Variants in ADAM9 observed in about 807,000 individuals in gnomAD.
ADAM9 encodes the protein disintegrin and metalloproteinase domain-containing protein 9.
A neutral mutation model predicts 108.1 loss-of-function variants in ADAM9; 54 were observed. The ratio of observed to expected loss-of-function variants is 0.50; its 90% CI spans 0.40 to 0.63. ADAM9 has a LOEUF of 0.63. ADAM9 is among the 20% of genes least tolerant of loss of function. The pLI, the probability that ADAM9 is intolerant of heterozygous loss-of-function variation, is 0.00. For synonymous variants in ADAM9, 316 were observed against 336.0 expected (o/e 0.94, Z 0.65); for missense variants, 830 against 997.7 (o/e 0.83, Z 2.26).
At chr8:39,042,206 G>A in intron 12 of ADAM9, 89 bp downstream of exon 12, 1 of 1,444,742 alleles carries the variant, frequency 6.9e-7, no homozygotes, top group South Asian at 1.2e-5. Flanking sequence ...TCTGACATAG[G>A]AGCTAAAGTA....
chr8:39,094,860 T>C (rs1447488036), intron 20 of ADAM9, among the ~76,000 whole-genome samples: 1 of 152,162 alleles, frequency 6.6e-6, no homozygotes, highest in Non-Finnish European at 1.5e-5. Flanking sequence ...AAACCAACTC[T>C]TAGTTTTATT....
chr8:39,038,665 A>G (rs2129435928), intron 11 of ADAM9, among the ~76,000 whole-genome samples: 1 of 152,358 alleles, frequency 6.6e-6, no homozygotes, highest in Non-Finnish European at 1.5e-5. Context: ...TGCACCAAGA[A>G]GAATGCCTTG....
In ADAM9 at chr8:39,086,493, A is replaced by G. The variant is rs115606052; in HGVS notation, c.2068+3420A>G. ...TGGAAGTTCCATTTGTTTCTTTTAT[A>G]TATCTTTCATGACTCTACATAAGAT... On this transcript the variant is annotated intron_variant, in intron 18 of 21. Transcript: ENST00000487273. Among the ~76,000 whole-genome samples, 1,248 of 152,150 alleles carry G rather than the reference A, an allele frequency of 8.2e-3. 19 individuals are homozygous for G. The highest frequency in any genetic ancestry group is 0.029 in the African/African-American group (1,189 of 41,488).
At chr8:38,999,098 T>C (rs1172334718) in intron 1 of ADAM9, among the ~76,000 whole-genome samples, 1 of 152,112 alleles carries the variant, frequency 6.6e-6, no homozygotes, top group Non-Finnish European at 1.5e-5. Context: ...TCAACTCTTG[T>C]TTCTCTCGGG....
intron 21 of ADAM9, 99 bp downstream of exon 21, chr8:39,102,029 A>G (rs984711548): frequency 2.0e-6 from 2 of 1,019,132 alleles, no homozygotes; most frequent in Non-Finnish European, 3.1e-6. Flanking sequence ...AGTGAAAGGT[A>G]TTTATTGTCA....
intron 11 of ADAM9, among the ~76,000 whole-genome samples, chr8:39,032,584 C>T (rs1000737400): frequency 6.6e-6 from 1 of 152,238 alleles, no homozygotes; most frequent in Non-Finnish European, 1.5e-5. Context: ...TCACGGCTTC[C>T]CTTGGCTAGG....
At chr8:39,061,751 A>G (rs1451242031) in intron 14 of ADAM9, among the ~76,000 whole-genome samples, 2 of 152,130 alleles carry the variant, frequency 1.3e-5, no homozygotes, top group African/African-American at 2.4e-5. Context: ...ACCCTTTTAT[A>G]ACAATATTAA....
intron 8 of ADAM9, among the ~76,000 whole-genome samples, chr8:39,022,730 T>A (rs924593567): frequency 5.3e-5 from 8 of 152,130 alleles, no homozygotes; most frequent in Non-Finnish European, 1.2e-4. Flanking sequence ...TTTTTTTTTT[T>A]ATGAGATGAG....
intron 1 of ADAM9, among the ~76,000 whole-genome samples, chr8:39,007,499 C>G (rs1836201528): frequency 6.6e-6 from 1 of 152,138 alleles, no homozygotes; most frequent in Non-Finnish European, 1.5e-5. Context: ...GGGTGCTAGA[C>G]TCTAGGATGC....
chr8:39,081,229 G>A (rs1049302902), intron 16 of ADAM9, among the ~76,000 whole-genome samples: 3 of 151,708 alleles, frequency 2.0e-5, no homozygotes, highest in Non-Finnish European at 4.4e-5. Context: ...GATTACAGGC[G>A]TGAGCCACTG....
In ADAM9 at chr8:39,090,112, T is replaced by G; in HGVS notation, c.2134T>G (p.Cys712Gly). Residue 712 changes from cysteine (C) to glycine (G), a missense_variant, in exon 19 of 22, where the codon TGT (cysteine) becomes GGT (glycine). This residue lies in a region of ADAM9 where 238 missense variants were observed against 235.7 expected (regional missense o/e 1.01). Transcript: ENST00000487273. Reference sequence around the variant, plus strand: ...CTTCCTAATTGTTCCCCTTATTGTCTGTGCTATTTTTATCTTCATCAAGAG... The same window carrying G: ...CTTCCTAATTGTTCCCCTTATTGTCGGTGCTATTTTTATCTTCATCAAGAG... The part of the protein sequence containing the change: ...FFFLIVPLIV[C>G]AIFIFIKRDQ... 1 of 1,613,972 alleles carries G rather than the reference T, an allele frequency of 6.2e-7. No homozygotes were observed. The highest frequency in any genetic ancestry group is 8.5e-7 in the Non-Finnish European group (1 of 1,179,882).
In ADAM9 at chr8:38,997,139, G is replaced by A; in HGVS notation, c.76G>A (p.Val26Ile). The A allele has an allele frequency of 2.5e-6, 4 of 1,602,476 alleles. No homozygotes were observed. Among genetic ancestry groups the A allele is most frequent in the Non-Finnish European group, 3.4e-6 (4 of 1,179,390 alleles). ...GCTGTTGCTTGGCCTGGTGGGCCCA[G>A]TCCTCGGTGCGGCGCGGCCAGGTGG... is the stretch of plus-strand genomic sequence containing the variant. ...WLLLLGLVGP[V>I]LGAARPGFQQ... Residue 26 changes from valine (V) to isoleucine (I), a missense_variant, in exon 1 of 22, where the codon GTC becomes ATC. By Grantham distance (29) the Val-to-Ile change is conservative. Around this residue, in one of 3 missense-constraint regions of ADAM9, gnomAD observed 211 missense variants for 222.2 expected, o/e 0.95. Transcript: ENST00000487273.
intron 11 of ADAM9, among the ~76,000 whole-genome samples, chr8:39,031,458 A>G (rs1837092310): frequency 6.6e-6 from 1 of 152,290 alleles, no homozygotes; most frequent in South Asian, 2.1e-4. Flanking sequence ...AAGCTTGTGC[A>G]TGCGTCACAT....
intron 15 of ADAM9, among the ~76,000 whole-genome samples, chr8:39,072,808 A>G (rs1033467054): frequency 6.6e-6 from 1 of 152,154 alleles, no homozygotes; most frequent in African/African-American, 2.4e-5. Flanking sequence ...CTTCTTTTTC[A>G]TAGAATTTGA....
chr8:39,087,708 G>A (rs530329288), intron 18 of ADAM9, among the ~76,000 whole-genome samples: 2 of 152,314 alleles, frequency 1.3e-5, no homozygotes, highest in Admixed American at 6.5e-5. Context: ...AATCTTGCCA[G>A]TGTTGAATGC....
chr8:39,089,389 T>C (rs574615472), intron 18 of ADAM9, among the ~76,000 whole-genome samples: 5 of 152,382 alleles, frequency 3.3e-5, no homozygotes, highest in Admixed American at 1.3e-4. Flanking sequence ...GGAATTCTTA[T>C]ATATTGCTTG....
At position 39,059,266 on chromosome 8, in the gene ADAM9, T is replaced by C. The variant is rs1369901176; in HGVS notation, c.1591+3494T>C. 2.6e-5 allele frequency among the ~76,000 whole-genome samples: 4 copies of C among 152,192 alleles called. No individual in the cohort carries two copies. In the East Asian group the frequency reaches 7.7e-4, roughly 29 times the overall value. ...TCTATATCAAGAGTACGTGTGTCTGTCCCAGTAAGAACAAAGCACTGCTTC... is the reference window on the plus strand; with the variant it reads ...TCTATATCAAGAGTACGTGTGTCTGCCCCAGTAAGAACAAAGCACTGCTTC... On this transcript the variant is annotated intron_variant, in intron 14 of 21. Coordinates refer to ENST00000487273, the MANE Select transcript of ADAM9 (RefSeq NM_003816.3).
At chr8:39,006,766 A>G (rs1836177028) in intron 1 of ADAM9, among the ~76,000 whole-genome samples, 1 of 152,080 alleles carries the variant, frequency 6.6e-6, no homozygotes, top group Admixed American at 6.5e-5. Flanking sequence ...TCATGATTCC[A>G]TGCGGATAGA....
intron 5 of ADAM9, among the ~76,000 whole-genome samples, chr8:39,016,781 G>C (rs2129433119): frequency 6.6e-6 from 1 of 152,310 alleles, no homozygotes; most frequent in South Asian, 2.1e-4. Context: ...CTGTGTGCCA[G>C]GCAATATGTT....
Sources: gnomAD v4.1 joint callset for allele counts (sites outside exome capture counted in the v4.1 genomes callset) on GRCh38, gnomAD v4.1.1 for gene constraint, gnomAD v4.1.1 regional missense constraint, MANE v1.5 for transcripts, NCBI Gene and HGNC (gene_info 2026-07-23, HGNC 2026-07-21) for gene names.